CSTPP1: variants seen among roughly 807,000 people sequenced by gnomAD.
CSTPP1 encodes centriolar satellite-associated tubulin polyglutamylase complex regulator 1.
chr11:47,000,119 G>T, the CSTPP1 span, among the ~76,000 whole-genome samples: 2 of 152,298 alleles, frequency 1.3e-5, no homozygotes, highest in East Asian at 3.9e-4. Context: ...GAAGGTAAAA[G>T]AAATTAATAT....
chr11:47,017,277 C>T, the CSTPP1 span, among the ~76,000 whole-genome samples: 12 of 150,436 alleles, frequency 8.0e-5, no homozygotes, highest in African/African-American at 1.5e-4. Context: ...CAGGTTCAAG[C>T]GGTTCTCCCA....
chr11:47,157,232 A>G, the CSTPP1 span: 11 of 1,547,600 alleles, frequency 7.1e-6, no homozygotes, highest in Non-Finnish European at 9.6e-6. Flanking sequence ...AGGAACGGGC[A>G]TGCAGCCCCC....
chr11:47,164,188 T>C, the CSTPP1 span: 3 of 1,613,740 alleles, frequency 1.9e-6, no homozygotes, highest in African/African-American at 4.0e-5. Flanking sequence ...CAGGAGGCCC[T>C]GGAGAGAGTG....
chr11:47,006,607 C>T, the CSTPP1 span, among the ~76,000 whole-genome samples: 2 of 150,182 alleles, frequency 1.3e-5, no homozygotes, highest in Non-Finnish European at 3.0e-5. Flanking sequence ...TTTTTTGAGG[C>T]AGGATCTCTG....
chr11:47,041,560 G>A, the CSTPP1 span: 11 of 403,796 alleles, frequency 2.7e-5, 1 homozygote, highest in Non-Finnish European at 5.0e-5. Flanking sequence ...CATGACCTCA[G>A]CATAGCTCAT....
the CSTPP1 span, among the ~76,000 whole-genome samples, chr11:46,943,749 A>G: frequency 6.6e-6 from 1 of 152,206 alleles, no homozygotes; most frequent in Non-Finnish European, 1.5e-5. Context: ...TAGTACAGTC[A>G]TGGTGGCTTA....
chr11:47,157,927 G>C, the CSTPP1 span: 2 of 1,611,378 alleles, frequency 1.2e-6, no homozygotes, highest in African/African-American at 2.7e-5. Context: ...CCCTCGGTAA[G>C]TCAGAGCTAA....
the CSTPP1 span, among the ~76,000 whole-genome samples, chr11:47,067,782 G>A: frequency 2.1e-4 from 32 of 152,142 alleles, no homozygotes; most frequent in Admixed American, 5.2e-4. Context: ...ACGGCAGCCC[G>A]GACAGACTAA....
chr11:47,161,187 G>T, the CSTPP1 span: 1 of 1,614,230 alleles, frequency 6.2e-7, no homozygotes, highest in Non-Finnish European at 8.5e-7. Flanking sequence ...GAGCTGGAAC[G>T]GCTGTAAGTG....
chr11:46,939,153 C>T, the CSTPP1 span, among the ~76,000 whole-genome samples: 1 of 133,880 alleles, frequency 7.5e-6, no homozygotes, highest in African/African-American at 2.8e-5. Context: ...TGCAATGATG[C>T]GATCTGGGCT....
At chr11:47,080,068 C>G in the CSTPP1 span, among the ~76,000 whole-genome samples, 1 of 151,834 alleles carries the variant, frequency 6.6e-6, no homozygotes, top group Non-Finnish European at 1.5e-5. Context: ...TGTACTGCAG[C>G]CTGGGAAACA....
chr11:46,965,068 C>G, the CSTPP1 span, among the ~76,000 whole-genome samples: 15 of 152,078 alleles, frequency 9.9e-5, no homozygotes, highest in Admixed American at 5.2e-4. Context: ...TATGTTTATT[C>G]AAAGAAACCA....
the CSTPP1 span, among the ~76,000 whole-genome samples, chr11:47,055,438 A>G: frequency 8.0e-6 from 1 of 124,386 alleles, no homozygotes; most frequent in Non-Finnish European, 1.6e-5. Context: ...TTTTGAATTT[A>G]TGAGATTCCC....
At chr11:47,021,141 A>G in the CSTPP1 span, among the ~76,000 whole-genome samples, 1 of 152,162 alleles carries the variant, frequency 6.6e-6, no homozygotes, top group Non-Finnish European at 1.5e-5. Context: ...CCATCAGAGA[A>G]ACTAACCACT....
chr11:47,029,386 C>A, the CSTPP1 span, among the ~76,000 whole-genome samples: 3 of 151,986 alleles, frequency 2.0e-5, no homozygotes, highest in Non-Finnish European at 2.9e-5. Flanking sequence ...GTGGGCAGAT[C>A]ACCTGAGGTC....
chr11:46,963,885 C>T, the CSTPP1 span, among the ~76,000 whole-genome samples: 1 of 151,740 alleles, frequency 6.6e-6, no homozygotes, highest in East Asian at 1.9e-4. Flanking sequence ...ATAGCTAGAC[C>T]ATAGTTTAAG....
At chr11:47,045,240 G>A in the CSTPP1 span, among the ~76,000 whole-genome samples, 1 of 152,124 alleles carries the variant, frequency 6.6e-6, no homozygotes, top group Non-Finnish European at 1.5e-5. Context: ...ATATTTTGAG[G>A]TAGATGAAAA....
chr11:47,085,343 T>A, the CSTPP1 span, among the ~76,000 whole-genome samples: 71 of 152,156 alleles, frequency 4.7e-4, no homozygotes, highest in Non-Finnish European at 1.0e-4. Context: ...AAGGCTTTTT[T>A]AAAAAGTTAC....
chr11:46,951,573 C>A, the CSTPP1 span, among the ~76,000 whole-genome samples: 1 of 152,222 alleles, frequency 6.6e-6, no homozygotes, highest in South Asian at 2.1e-4. Context: ...ACGTGAGCCA[C>A]CATACCCTGC....
Sources: gnomAD v4.1 joint callset for allele counts (sites outside exome capture counted in the v4.1 genomes callset) on GRCh38, gnomAD v4.1.1 for gene constraint, MANE v1.5 for transcripts, NCBI Gene and HGNC (gene_info 2026-07-23, HGNC 2026-07-21) for gene names.